The following WWOX variants were observed in gnomAD, a reference collection of about 807,000 sequenced individuals.
The protein encoded by WWOX is WW domain-containing oxidoreductase.
In WWOX, 69 loss-of-function variants were observed where a neutral mutation model predicts 46.2. The ratio of observed to expected loss-of-function variants is 1.49; its 90% CI spans 1.23 to 1.82. The LOEUF (loss-of-function observed/expected upper bound fraction) is 1.82. Among genes scored for constraint, WWOX ranks in the 40% most tolerant of loss-of-function variants. WWOX has a pLI of 0.00. For missense variants in WWOX, 919 were observed against 542.6 expected, an observed-to-expected ratio of 1.69 and a Z score of -6.89; for synonymous variants, 359 against 202.6, an observed-to-expected ratio of 1.77 and a Z score of -6.56.
chr16:78,882,827 T>A lies in WWOX; in HGVS notation c.1057-328781T>A, dbSNP rs1366076828. 6.3e-4 allele frequency among the ~76,000 whole-genome samples: 91 copies of A among 143,422 alleles called. 2 individuals carry two copies. In the South Asian group the frequency reaches 0.014, roughly 22 times the overall value. 94.1% of individuals were successfully genotyped at this position (143,422 alleles called of 152,430 possible). On this transcript the variant is annotated intron_variant, in intron 8 of 8. Transcript: ENST00000566780. Reference sequence around the variant, plus strand: ...ATAAAGTTTTTACAATGCCACCATTTAAAAAAAAAAAAAAGGGCATTAATG... The same window carrying A: ...ATAAAGTTTTTACAATGCCACCATTAAAAAAAAAAAAAAAGGGCATTAATG...
chr16:78,356,068 TCC>T (rs1597088787), intron 5 of WWOX, among the ~76,000 whole-genome samples: 2 of 20,730 alleles, frequency 9.6e-5, no homozygotes, highest in Admixed American at 4.9e-4. Context: ...GATTTTTTTT[TCC>T]TAAAAAAAAA....
intron 8 of WWOX, among the ~76,000 whole-genome samples, chr16:78,644,885 G>A (rs879286898): frequency 6.6e-6 from 1 of 152,142 alleles, no homozygotes; most frequent in African/African-American, 2.4e-5. Flanking sequence ...AAATCGGGAC[G>A]GCATGTTAGG....
intron 8 of WWOX, among the ~76,000 whole-genome samples, chr16:78,863,544 G>A (rs1176147404): frequency 6.6e-6 from 1 of 152,132 alleles, no homozygotes; most frequent in Admixed American, 6.6e-5. Flanking sequence ...AGTAGTCCTC[G>A]TGATCTTTCG....
At chr16:78,624,114 A>G (rs2046255099) in intron 8 of WWOX, among the ~76,000 whole-genome samples, 2 of 152,054 alleles carry the variant, frequency 1.3e-5, no homozygotes, top group African/African-American at 2.4e-5. Flanking sequence ...TATGATTTCC[A>G]TTTGTTTGCA....
At chr16:78,849,087 G>T (rs1010391459) in intron 8 of WWOX, among the ~76,000 whole-genome samples, 12 of 152,244 alleles carry the variant, frequency 7.9e-5, no homozygotes, top group African/African-American at 2.9e-4. Flanking sequence ...GCTCCCCAGG[G>T]TCTACTTGGT....
chr16:78,413,085 G>A (rs1160447723), intron 6 of WWOX, among the ~76,000 whole-genome samples: 1 of 152,178 alleles, frequency 6.6e-6, no homozygotes, highest in Non-Finnish European at 1.5e-5. Context: ...CCTGCTAGCT[G>A]GACAGAGCTG....
chr16:78,620,031 C>T (rs968233251), intron 8 of WWOX, among the ~76,000 whole-genome samples: 4 of 152,312 alleles, frequency 2.6e-5, no homozygotes, highest in Middle Eastern at 3.4e-3. Context: ...TAATCTCTAA[C>T]GTCAGCTTCC....
At chr16:78,840,272 A>G (rs2151167781) in intron 8 of WWOX, among the ~76,000 whole-genome samples, 1 of 152,206 alleles carries the variant, frequency 6.6e-6, no homozygotes. Context: ...AAAATCCTGA[A>G]CCTCTCTGTG....
At chr16:79,112,320 A>T (rs1246556362) in intron 8 of WWOX, among the ~76,000 whole-genome samples, 1 of 152,212 alleles carries the variant, frequency 6.6e-6, no homozygotes, top group Non-Finnish European at 1.5e-5. Flanking sequence ...TCAAGTCACC[A>T]AACCTTCATT....
chr16:79,086,069 C>T (rs943765940), intron 8 of WWOX, among the ~76,000 whole-genome samples: 1 of 100,266 alleles, frequency 1.0e-5, no homozygotes, highest in African/African-American at 4.4e-5. Context: ...GAGACCCCAT[C>T]TCCAAAAAAA....
At chr16:78,834,557 A>C (rs1009447974) in intron 8 of WWOX, among the ~76,000 whole-genome samples, 1 of 152,212 alleles carries the variant, frequency 6.6e-6, no homozygotes, top group Non-Finnish European at 1.5e-5. Context: ...AGAAAGGACC[A>C]GGGTCTGCAA....
At chr16:78,814,184 C>T (rs2051270457) in intron 8 of WWOX, among the ~76,000 whole-genome samples, 1 of 152,128 alleles carries the variant, frequency 6.6e-6, no homozygotes, top group Non-Finnish European at 1.5e-5. Context: ...TACTGGGAAG[C>T]CATAATAATT....
intron 8 of WWOX, among the ~76,000 whole-genome samples, chr16:79,112,903 G>T (rs994513469): frequency 1.3e-5 from 2 of 152,194 alleles, no homozygotes; most frequent in African/African-American, 2.4e-5. Context: ...TAGCCTCTGT[G>T]CAGCGCAGCT....
intron 4 of WWOX, among the ~76,000 whole-genome samples, chr16:78,121,569 A>G (rs538880671): frequency 2.3e-4 from 35 of 152,312 alleles, no homozygotes; most frequent in African/African-American, 7.5e-4. Context: ...AATCTCATGT[A>G]AAATGCTTAT....
chr16:78,613,499 C>T (rs564776628), intron 8 of WWOX, among the ~76,000 whole-genome samples: 2 of 152,156 alleles, frequency 1.3e-5, no homozygotes, highest in Admixed American at 6.5e-5. Context: ...CTCCCCCTTA[C>T]AAGGGACATT....
At chr16:78,751,354 G>A (rs1034290216) in intron 8 of WWOX, among the ~76,000 whole-genome samples, 2 of 149,056 alleles carry the variant, frequency 1.3e-5, no homozygotes, top group African/African-American at 4.9e-5. Flanking sequence ...CCAAAAAAAA[G>A]AAACAGAGGT....
chr16:78,984,213 C>G (rs1204753329), intron 8 of WWOX, among the ~76,000 whole-genome samples: 1 of 152,022 alleles, frequency 6.6e-6, no homozygotes, highest in African/African-American at 2.4e-5. Context: ...TGCTTTGAGT[C>G]CGGTATAACC....
intron 8 of WWOX, among the ~76,000 whole-genome samples, chr16:78,575,051 ATATATAT>A (rs2044835026): frequency 8.1e-5 from 1 of 12,346 alleles, no homozygotes; most frequent in Non-Finnish European, 1.6e-4. Context: ...ATATATATAT[ATATATAT>A]ATATATATAT....
intron 8 of WWOX, among the ~76,000 whole-genome samples, chr16:78,935,807 G>T (rs2045725143): frequency 1.3e-5 from 2 of 152,088 alleles, no homozygotes; most frequent in South Asian, 4.1e-4. Flanking sequence ...AGCTACTTGG[G>T]AGGCTGAAGT....
Sources: gnomAD v4.1 joint callset for allele counts (sites outside exome capture counted in the v4.1 genomes callset) on GRCh38, gnomAD v4.1.1 for gene constraint, MANE v1.5 for transcripts, NCBI Gene and HGNC (gene_info 2026-07-23, HGNC 2026-07-21) for gene names.